Variants in NXPH2 observed in about 807,000 individuals in gnomAD.
NXPH2 encodes neurexophilin 2, also known as neurexophilin-2.
A neutral mutation model predicts 19.8 loss-of-function variants in NXPH2; 5 were observed. The ratio of observed to expected loss-of-function variants is 0.25; its 90% CI spans 0.13 to 0.53. NXPH2 has a LOEUF of 0.53. Ranked by LOEUF, NXPH2 falls within the 20% of genes least tolerant of loss-of-function variation. The pLI, the probability that NXPH2 is intolerant of heterozygous loss-of-function variation, is 0.96. For synonymous variants in NXPH2, 154 were observed against 127.4 expected (o/e 1.21, Z -1.41); for missense variants, 289 against 322.8 (o/e 0.90, Z 0.80).
intron 1 of NXPH2, among the ~76,000 whole-genome samples, chr2:138,688,082 G>C (rs200947177): frequency 1.3e-5 from 2 of 152,234 alleles, no homozygotes; most frequent in African/African-American, 4.8e-5. Flanking sequence ...GAAGAAAGTC[G>C]TTGGTAGCTT....
intron 1 of NXPH2, among the ~76,000 whole-genome samples, chr2:138,740,421 T>C (rs547993645): frequency 7.8e-4 from 119 of 152,322 alleles, no homozygotes; most frequent in African/African-American, 2.7e-3. Flanking sequence ...GCTTGTTTGC[T>C]TGCACACCTT....
intron 1 of NXPH2, among the ~76,000 whole-genome samples, chr2:138,696,664 A>G (rs921075698): frequency 3.9e-5 from 6 of 152,182 alleles, no homozygotes; most frequent in African/African-American, 1.2e-4. Context: ...AATAAAATGT[A>G]AAAAGCAACT....
At chr2:138,700,523 A>T (rs1680903910) in intron 1 of NXPH2, among the ~76,000 whole-genome samples, 1 of 152,168 alleles carries the variant, frequency 6.6e-6, no homozygotes, top group African/African-American at 2.4e-5. Flanking sequence ...TATGGAATTT[A>T]TTTCCCCATA....
In NXPH2 at chr2:138,749,856, C is replaced by T. The variant is rs75219516; in HGVS notation, c.51+30335G>A. Among the ~76,000 whole-genome samples the T allele has an allele frequency of 3.6e-3, 552 of 152,184 alleles. 5 individuals carry two copies. Among genetic ancestry groups the T allele is most frequent in the African/African-American group, 0.012 (501 of 41,552 alleles). Reference sequence around the variant, plus strand: ...TCTACAAACTTAAGACCAATGCAAGCGTTTCCTAGTATCTGTATAAAACAG... The same window carrying T: ...TCTACAAACTTAAGACCAATGCAAGTGTTTCCTAGTATCTGTATAAAACAG... On this transcript the variant is annotated intron_variant, in intron 1 of 1. Coordinates refer to ENST00000272641, the MANE Select transcript of NXPH2 (RefSeq NM_007226.3).
intron 1 of NXPH2, among the ~76,000 whole-genome samples, chr2:138,761,971 T>C (rs905249830): frequency 6.6e-6 from 1 of 152,104 alleles, no homozygotes; most frequent in Non-Finnish European, 1.5e-5. Context: ...TAAAACCGAG[T>C]AGCATAAGCA....
chr2:138,732,552 G>A (rs1238325154), intron 1 of NXPH2, among the ~76,000 whole-genome samples: 3 of 152,188 alleles, frequency 2.0e-5, no homozygotes, highest in Non-Finnish European at 4.4e-5. Flanking sequence ...TCTCAGGCAT[G>A]TTGGCTGAGG....
At position 138,763,222 on chromosome 2, in the gene NXPH2, A is replaced by T. The variant is rs558968823; in HGVS notation, c.51+16969T>A. On this transcript the variant is annotated intron_variant, in intron 1 of 1. Transcript: ENST00000272641. ...AAAATCATAAATCAATGAAGTAAGG[A>T]GATCAATGGAGGAAAGCACTAAAAT... Among the ~76,000 whole-genome samples the T allele has an allele frequency of 1.8e-4, 27 of 152,344 alleles. 1 individual carries two copies. In the South Asian group the frequency reaches 3.7e-3, roughly 21 times the overall value.
chr2:138,673,246 C>A (rs1680438100), intron 1 of NXPH2, among the ~76,000 whole-genome samples: 1 of 152,164 alleles, frequency 6.6e-6, no homozygotes, highest in African/African-American at 2.4e-5. Context: ...TGAATTGATA[C>A]TCCTTTCTCT....
In NXPH2 at chr2:138,745,501, G is replaced by T. The variant is rs1262604209; in HGVS notation, c.51+34690C>A. ...TTTTCTTCTTTTTTTGGCGGGGGGGGGGGGGTGTTGTTTGCATGTTTTTCT... is the reference window on the plus strand; with the variant it reads ...TTTTCTTCTTTTTTTGGCGGGGGGGTGGGGGTGTTGTTTGCATGTTTTTCT... On this transcript the variant is annotated intron_variant, in intron 1 of 1. Coordinates refer to ENST00000272641, the MANE Select transcript of NXPH2 (RefSeq NM_007226.3). Among the ~76,000 whole-genome samples the T allele has an allele frequency of 1.8e-4, 26 of 148,246 alleles. No individual in the cohort carries two copies. In the East Asian group the frequency reaches 3.8e-3, roughly 22 times the overall value.
At chr2:138,758,130 G>A (rs1042401111) in intron 1 of NXPH2, among the ~76,000 whole-genome samples, 1 of 151,936 alleles carries the variant, frequency 6.6e-6, no homozygotes, top group Non-Finnish European at 1.5e-5. Context: ...CTCATAAAAG[G>A]CCAAAACCCT....
intron 1 of NXPH2, among the ~76,000 whole-genome samples, chr2:138,745,653 G>T (rs1489649915): frequency 6.6e-6 from 1 of 152,112 alleles, no homozygotes; most frequent in Non-Finnish European, 1.5e-5. Context: ...TTATATACTG[G>T]TACATATTAT....
At chr2:138,771,657 G>C (rs1181528789) in intron 1 of NXPH2, among the ~76,000 whole-genome samples, 1 of 152,184 alleles carries the variant, frequency 6.6e-6, no homozygotes, top group Non-Finnish European at 1.5e-5. Context: ...CTCAGGCAAA[G>C]TCTTGCAGAG....
intron 1 of NXPH2, among the ~76,000 whole-genome samples, chr2:138,744,956 G>A (rs184051161): frequency 3.9e-4 from 60 of 152,294 alleles, no homozygotes; most frequent in African/African-American, 1.3e-3. Context: ...GGCTTTAGGT[G>A]CAAGTACAGA....
intron 1 of NXPH2, among the ~76,000 whole-genome samples, chr2:138,681,559 G>T (rs1483946642): frequency 6.6e-6 from 1 of 152,138 alleles, no homozygotes; most frequent in Non-Finnish European, 1.5e-5. Flanking sequence ...CCAAAAATAT[G>T]TAGTCCTCTA....
chr2:138,721,515 C>A (rs993425606), intron 1 of NXPH2, among the ~76,000 whole-genome samples: 1 of 151,512 alleles, frequency 6.6e-6, no homozygotes, highest in African/African-American at 2.4e-5. Flanking sequence ...TTTATAAAGA[C>A]CCTCCTGACA....
At chr2:138,730,193 C>T (rs1472120369) in intron 1 of NXPH2, among the ~76,000 whole-genome samples, 8 of 149,370 alleles carry the variant, frequency 5.4e-5, no homozygotes, top group Non-Finnish European at 1.0e-4. Context: ...CCACCCCACC[C>T]TTTTTTTTTT....
chr2:138,717,586 A>C (rs1203919554), intron 1 of NXPH2, among the ~76,000 whole-genome samples: 1 of 152,020 alleles, frequency 6.6e-6, no homozygotes, highest in African/African-American at 2.4e-5. Context: ...CAACTCCCAA[A>C]GCCTCTTCCT....
At chr2:138,698,993 T>C (rs997194532) in intron 1 of NXPH2, among the ~76,000 whole-genome samples, 1 of 152,188 alleles carries the variant, frequency 6.6e-6, no homozygotes, top group Non-Finnish European at 1.5e-5. Context: ...TTTAGTTTTG[T>C]ATATTGGATT....
At chr2:138,685,662 G>A (rs1040879436) in intron 1 of NXPH2, among the ~76,000 whole-genome samples, 15 of 152,172 alleles carry the variant, frequency 9.9e-5, no homozygotes, top group African/African-American at 3.4e-4. Context: ...ATAATAAAGT[G>A]TTGAATATCT....
Sources: allele counts gnomAD v4.1 joint callset (sites outside exome capture counted in the v4.1 genomes callset), GRCh38; gene constraint gnomAD v4.1.1; transcripts MANE v1.5; gene names NCBI Gene and HGNC (gene_info 2026-07-23, HGNC 2026-07-21).